The following TSHZ1 variants were observed in gnomAD, a reference collection of about 807,000 sequenced individuals.
TSHZ1 encodes the protein teashirt homolog 1.
A neutral mutation model predicts 67.1 loss-of-function variants in TSHZ1; 12 were observed. The observed-to-expected ratio is 0.18, with a 90% CI of 0.11 to 0.29. TSHZ1 has a LOEUF of 0.29. Among genes scored for constraint, TSHZ1 ranks in the 10% least tolerant of loss-of-function variants. The pLI is 1.00. For missense variants in TSHZ1, 1,305 were observed against 1,413.9 expected (o/e 0.92, Z 1.23); for synonymous variants, 632 against 622.4 (o/e 1.02, Z -0.23).
At chr18:75,227,729 G>A (rs2022944610) in intron 1 of TSHZ1, among the ~76,000 whole-genome samples, 1 of 152,218 alleles carries the variant, frequency 6.6e-6, no homozygotes, top group Non-Finnish European at 1.5e-5. Flanking sequence ...AGATAGTGAA[G>A]GAGACTGTTG....
intron 1 of TSHZ1, among the ~76,000 whole-genome samples, chr18:75,233,003 C>T (rs1180715028): frequency 6.6e-6 from 1 of 152,170 alleles, no homozygotes; most frequent in Non-Finnish European, 1.5e-5. Flanking sequence ...TGGTGCACAG[C>T]CCATTTCACA....
chr18:75,282,012 G>A (rs1263935523), intron 1 of TSHZ1, among the ~76,000 whole-genome samples: 1 of 152,060 alleles, frequency 6.6e-6, no homozygotes, highest in African/African-American at 2.4e-5. Flanking sequence ...CTCCTTCGAC[G>A]TCCGCACTCC....
chr18:75,224,965 G>A (rs1286490213), intron 1 of TSHZ1, among the ~76,000 whole-genome samples: 2 of 152,102 alleles, frequency 1.3e-5, no homozygotes, highest in East Asian at 1.9e-4. Flanking sequence ...GGAAGTCGCC[G>A]TCATGAAGCA....
chr18:75,225,128 A>T (rs1227558033), intron 1 of TSHZ1, among the ~76,000 whole-genome samples: 2 of 152,166 alleles, frequency 1.3e-5, no homozygotes, highest in Non-Finnish European at 2.9e-5. Context: ...ATGTCAAGGC[A>T]CATGGAGACA....
intron 1 of TSHZ1, among the ~76,000 whole-genome samples, chr18:75,227,285 A>C (rs1235434784): frequency 1.3e-5 from 2 of 151,572 alleles, no homozygotes; most frequent in Non-Finnish European, 1.5e-5. Flanking sequence ...GCTATTTTTG[A>C]AACCACCTAC....
chr18:75,278,376 T>C (rs1303538837), intron 1 of TSHZ1, among the ~76,000 whole-genome samples: 1 of 152,196 alleles, frequency 6.6e-6, no homozygotes, highest in Non-Finnish European at 1.5e-5. Context: ...GCTGGGTTGC[T>C]CCTGTTTGGA....
chr18:75,221,153 A>T (rs1265977239), intron 1 of TSHZ1: 1 of 152,192 alleles, frequency 6.6e-6, no homozygotes, highest in East Asian at 1.9e-4. Context: ...CGATTTTAAA[A>T]GGTGTGTTCT....
At chr18:75,254,776 G>A (rs2404873) in intron 1 of TSHZ1, among the ~76,000 whole-genome samples, 87,647 of 152,062 alleles carry the variant, frequency 0.58, 25,439 homozygotes, top group South Asian at 0.69. Flanking sequence ...ATCACTGATC[G>A]CTCACAGGTT....
At chr18:75,241,176 C>T (rs142007697) in intron 1 of TSHZ1, among the ~76,000 whole-genome samples, 43 of 152,272 alleles carry the variant, frequency 2.8e-4, no homozygotes, top group African/African-American at 9.6e-4. Flanking sequence ...AACACGTTCC[C>T]ATGGAAGTGG....
intron 1 of TSHZ1, among the ~76,000 whole-genome samples, chr18:75,239,385 G>A (rs764252487): frequency 2.6e-5 from 4 of 152,136 alleles, no homozygotes; most frequent in Non-Finnish European, 2.9e-5. Context: ...GGAAGAATAC[G>A]GACACCTTGA....
rs539535971 is a variant in TSHZ1, at chr18:75,285,510, G to A, written c.103G>A (p.Gly35Arg). 7.8e-6 allele frequency: 12 copies of A among 1,534,936 alleles called. No homozygotes were observed. The highest frequency in any genetic ancestry group is 5.8e-5 in the Admixed American group (3 of 51,446). ...AGATGAAGAGCACGTGGAGGATGAC[G>A]GGCTGTCTTTGGACATTCAGGAAAG... is the stretch of plus-strand genomic sequence containing the variant. Reference protein sequence around the residue: ...EIDEEHVEDDGLSLDIQESEY... With the variant: ...EIDEEHVEDDRLSLDIQESEY... Residue 35 changes from glycine to arginine, a missense_variant, in exon 2 of 2, where the codon GGG becomes AGG. Gly to Arg is a moderately radical substitution (Grantham distance 125, BLOSUM62 -2). Transcript: ENST00000580243.
Position 75,240,102 on chromosome 18 carries a change from T to C in TSHZ1, c.40+28186T>C, listed in dbSNP as rs149383544. On this transcript the variant is annotated intron_variant, in intron 1 of 1. Coordinates refer to ENST00000580243, the MANE Select transcript of TSHZ1 (RefSeq NM_001308210.2). Reference sequence around the variant, plus strand: ...TATCCTTCAAAGATAAATTATGAACTTTTGACCTTAGGGAATATAAATATC... The same window carrying C: ...TATCCTTCAAAGATAAATTATGAACCTTTGACCTTAGGGAATATAAATATC... 8.4e-3 allele frequency among the ~76,000 whole-genome samples: 1,287 copies of C among 152,350 alleles called. 15 individuals are homozygous for C. Among genetic ancestry groups the C allele is most frequent in the African/African-American group, 0.03 (1,234 of 41,572 alleles).
intron 1 of TSHZ1, among the ~76,000 whole-genome samples, chr18:75,243,268 T>C (rs541537656): frequency 6.6e-6 from 1 of 152,256 alleles, no homozygotes; most frequent in Admixed American, 6.5e-5. Flanking sequence ...TCCGATGGTT[T>C]CCAGTTCATT....
At chr18:75,213,441 G>A (rs1273922951) in intron 1 of TSHZ1, among the ~76,000 whole-genome samples, 1 of 152,172 alleles carries the variant, frequency 6.6e-6, no homozygotes. Context: ...CTAGAAACAA[G>A]AGGTCTTTAC....
intron 1 of TSHZ1, among the ~76,000 whole-genome samples, chr18:75,236,926 C>T (rs553213795): frequency 6.6e-6 from 1 of 152,182 alleles, no homozygotes; most frequent in African/African-American, 2.4e-5. Flanking sequence ...GACTCCTTGA[C>T]CTCTCAAACC....
chr18:75,261,188 G>T (rs1421228558), intron 1 of TSHZ1, among the ~76,000 whole-genome samples: 3 of 152,046 alleles, frequency 2.0e-5, no homozygotes, highest in Non-Finnish European at 4.4e-5. Flanking sequence ...GAAAAGGAAA[G>T]GAGAGATGGG....
At chr18:75,268,216 C>T (rs34397118) in intron 1 of TSHZ1, among the ~76,000 whole-genome samples, 2,648 of 152,332 alleles carry the variant, frequency 0.017, 22 homozygotes, top group Non-Finnish European at 0.027. Flanking sequence ...GGCAGATTTT[C>T]CCAGGAAGGA....
chr18:75,255,837 G>A (rs1398827908), intron 1 of TSHZ1, among the ~76,000 whole-genome samples: 1 of 152,188 alleles, frequency 6.6e-6, no homozygotes, highest in East Asian at 1.9e-4. Flanking sequence ...TTGTACTCAG[G>A]AAGAGACTGA....
chr18:75,288,597 C>T lies in TSHZ1; in HGVS notation c.3190C>T (p.Pro1064Ser), dbSNP rs1223586736. Residue 1064 changes from proline to serine, a missense_variant, in exon 2 of 2, where the codon CCC (proline) becomes TCC (serine). Pro to Ser is a moderately conservative substitution (Grantham distance 74). Transcript: ENST00000580243. This position sits in a 1 kb window ranked among gnomAD's most constrained non-coding sequence, Gnocchi z 4.9. ...CCTTAGTAAGACCCACGGCAAGTCT[C>T]CCGAGGACCACCTGATCTATGTGAC... ...LHLSKTHGKS[P>S]EDHLIYVTEL... The T allele has an allele frequency of 1.2e-6, 2 of 1,611,420 alleles. No homozygotes were observed. The highest frequency in any genetic ancestry group is 3.4e-5 in the Admixed American group (2 of 59,670).
Sources: gnomAD v4.1 joint callset for allele counts (sites outside exome capture counted in the v4.1 genomes callset) on GRCh38, gnomAD v4.1.1 for gene constraint, Gnocchi (gnomAD v3.1) non-coding constraint, MANE v1.5 for transcripts, NCBI Gene and HGNC (gene_info 2026-07-23, HGNC 2026-07-21) for gene names.